The following PPFIA2 variants were observed in gnomAD, a reference collection of about 807,000 sequenced individuals.
PPFIA2 encodes the protein PPFI scaffold protein A2.
PPFIA2 carries 46 observed loss-of-function variants against 175.5 expected under a neutral mutation model. The observed-to-expected ratio is 0.26, with a 90% CI of 0.21 to 0.34. PPFIA2 has a LOEUF of 0.34. Among genes scored for constraint, PPFIA2 ranks in the 10% least tolerant of loss-of-function variants. The pLI is 1.00. For synonymous variants in PPFIA2, 568 were observed against 511.4 expected (o/e 1.11, Z -1.49); for missense variants, 1,179 against 1,506.1 (o/e 0.78, Z 3.60).
rs966630053 is a variant in PPFIA2, at chr12:81,264,999, T to C, written c.3556-1609A>G. ...AGTGTCGTAGCTAGGGGCTTAAAAA[T>C]AAGCCAGTTTTGGCTGGGCGTGGTG... On this transcript the variant is annotated intron_variant, in intron 30 of 32. Coordinates refer to ENST00000549396, the MANE Select transcript of PPFIA2 (RefSeq NM_003625.5). 2.7e-5 allele frequency among the ~76,000 whole-genome samples: 4 copies of C among 150,680 alleles called. No homozygotes were observed. The South Asian group carries it at 6.3e-4, about 24-fold the overall frequency.
At chr12:81,657,944 C>T (rs1300859354) in intron 4 of PPFIA2, among the ~76,000 whole-genome samples, 3 of 152,114 alleles carry the variant, frequency 2.0e-5, no homozygotes, top group East Asian at 1.9e-4. Context: ...TTTATGTACT[C>T]ATTTTTACAC....
intron 3 of PPFIA2, among the ~76,000 whole-genome samples, chr12:81,718,359 A>G (rs948981043): frequency 3.3e-5 from 5 of 151,636 alleles, no homozygotes; most frequent in African/African-American, 1.2e-4. Context: ...AGACAGAACT[A>G]GCCTTAGAAT....
chr12:81,373,814 C>T (rs2035747918), intron 11 of PPFIA2, among the ~76,000 whole-genome samples: 1 of 152,096 alleles, frequency 6.6e-6, no homozygotes, highest in South Asian at 2.1e-4. Context: ...ACCTATCATA[C>T]TCACTTATTG....
intron 4 of PPFIA2, among the ~76,000 whole-genome samples, chr12:81,667,774 C>T (rs762136547): frequency 6.6e-5 from 10 of 151,882 alleles, no homozygotes; most frequent in Non-Finnish European, 1.3e-4. Context: ...TTTTCAAGTT[C>T]AGAATATCCA....
intron 9 of PPFIA2, 119 bp from the exon 10 acceptor site, chr12:81,376,061 T>C: frequency 1.1e-6 from 1 of 886,874 alleles, no homozygotes; most frequent in Non-Finnish European, 1.7e-6. Context: ...AAATACTCAT[T>C]CCTTTCTTTT....
At chr12:81,356,754 T>C (rs994760188) in intron 16 of PPFIA2, among the ~76,000 whole-genome samples, 1 of 152,150 alleles carries the variant, frequency 6.6e-6, no homozygotes, top group African/African-American at 2.4e-5. Context: ...CTAGCATCCA[T>C]AGACTTGCTT....
intron 4 of PPFIA2, among the ~76,000 whole-genome samples, chr12:81,642,703 T>TGTATATATTATATACATAC (rs1173180908): frequency 0.54 from 7,422 of 13,768 alleles, 3,084 homozygotes; most frequent in Middle Eastern, 0.67. Context: ...CATACATGTA[T>TGTATATATTATATACATAC]ATGTATGTAT....
chr12:81,550,302 G>A (rs1168533714), intron 4 of PPFIA2, among the ~76,000 whole-genome samples: 1 of 151,990 alleles, frequency 6.6e-6, no homozygotes, highest in African/African-American at 2.4e-5. Flanking sequence ...AAACATCTGA[G>A]CTAAGACTTT....
chr12:81,346,196 T>C (rs752809705), intron 18 of PPFIA2, among the ~76,000 whole-genome samples: 17 of 152,132 alleles, frequency 1.1e-4, no homozygotes, highest in African/African-American at 1.7e-4. Context: ...ATCTTCATCA[T>C]TGGTGTCATT....
intron 4 of PPFIA2, among the ~76,000 whole-genome samples, chr12:81,464,678 T>C (rs533710141): frequency 7.2e-5 from 11 of 152,126 alleles, no homozygotes; most frequent in Admixed American, 2.0e-4. Context: ...CTTGTGCCTA[T>C]TTACATTCCT....
intron 3 of PPFIA2, among the ~76,000 whole-genome samples, chr12:81,747,593 A>G (rs1321296890): frequency 6.9e-6 from 1 of 143,890 alleles, no homozygotes; most frequent in Non-Finnish European, 1.6e-5. Context: ...TTGAGCATGT[A>G]CTACCTGTAA....
chr12:81,501,816 T>C (rs947428667), intron 4 of PPFIA2, among the ~76,000 whole-genome samples: 2 of 152,176 alleles, frequency 1.3e-5, no homozygotes, highest in African/African-American at 2.4e-5. Context: ...AAGTTGGCTC[T>C]TAGGCATATG....
intron 4 of PPFIA2, among the ~76,000 whole-genome samples, chr12:81,593,250 G>T (rs985951598): frequency 1.3e-4 from 19 of 151,786 alleles, no homozygotes; most frequent in African/African-American, 4.1e-4. Context: ...CCTCAAAAAG[G>T]CTTTGGCTAG....
intron 4 of PPFIA2, among the ~76,000 whole-genome samples, chr12:81,462,225 T>C (rs2054657059): frequency 1.4e-5 from 2 of 141,612 alleles, no homozygotes. Flanking sequence ...TACACGGCAA[T>C]GACATTATTG....
chr12:81,483,668 T>A (rs1433277972), intron 4 of PPFIA2, among the ~76,000 whole-genome samples: 1 of 151,992 alleles, frequency 6.6e-6, no homozygotes, highest in Non-Finnish European at 1.5e-5. Context: ...AAAAGGTGAA[T>A]TTTATGCTAT....
intron 4 of PPFIA2, among the ~76,000 whole-genome samples, chr12:81,549,775 C>T (rs747025846): frequency 2.6e-5 from 4 of 151,768 alleles, no homozygotes; most frequent in Non-Finnish European, 5.9e-5. Flanking sequence ...CTTTTTTAGC[C>T]ATGTTTTCTA....
intron 4 of PPFIA2, among the ~76,000 whole-genome samples, chr12:81,534,335 C>G (rs953240489): frequency 6.6e-6 from 1 of 151,604 alleles, no homozygotes; most frequent in African/African-American, 2.4e-5. Flanking sequence ...GAAGAGAGGA[C>G]TTAAAACGTT....
At chr12:81,642,697 CATGTAT>C (rs371453826) in intron 4 of PPFIA2, among the ~76,000 whole-genome samples, 1,993 of 6,484 alleles carry the variant, frequency 0.31, 572 homozygotes, top group Middle Eastern at 0.67. Context: ...TATATACATA[CATGTAT>C]ATGTATGTAT....
intron 4 of PPFIA2, among the ~76,000 whole-genome samples, chr12:81,548,249 G>C (rs1177597892): frequency 6.6e-6 from 1 of 152,092 alleles, no homozygotes; most frequent in Non-Finnish European, 1.5e-5. Flanking sequence ...GAGGGGATTA[G>C]CAGCAACATT....
Sources: gnomAD v4.1 joint callset for allele counts (sites outside exome capture counted in the v4.1 genomes callset) on GRCh38, gnomAD v4.1.1 for gene constraint, MANE v1.5 for transcripts, NCBI Gene and HGNC (gene_info 2026-07-23, HGNC 2026-07-21) for gene names.